RALB: variants seen among roughly 807,000 people sequenced by gnomAD.
RALB encodes the protein ras-related protein Ral-B.
A neutral mutation model predicts 21.3 loss-of-function variants in RALB; 16 were observed. That is an observed-to-expected ratio of 0.75 (90% CI 0.51 to 1.14). The LOEUF (loss-of-function observed/expected upper bound fraction) is 1.14. Ranked by LOEUF, RALB falls within the 50% of genes most tolerant of loss-of-function variation. The pLI is 0.00. For synonymous variants in RALB, 93 were observed against 96.1 expected (o/e 0.97, Z 0.19); for missense variants, 161 against 256.2 (o/e 0.63, Z 2.54).
chr2:120,256,429 A>G (rs192354510), intron 1 of RALB, among the ~76,000 whole-genome samples: 2 of 151,908 alleles, frequency 1.3e-5, no homozygotes, highest in African/African-American at 2.4e-5. Context: ...TGTAATCCCC[A>G]TAATCCCCAT....
chr2:120,294,508 T>C lies in RALB; in HGVS notation c.*1248T>C, dbSNP rs1290293833. On this transcript the variant is annotated 3_prime_UTR_variant, in exon 5 of 5. Transcript: ENST00000272519. ...AAGGAGCACTGTGGGAAGAGCCCAG[T>C]ATTCACATTTTTTCCCCATTTTTCA... The C allele has an allele frequency of 2.7e-6, 1 of 366,328 alleles. No individual in the cohort carries two copies. Among genetic ancestry groups the C allele is most frequent in the East Asian group, 4.0e-5 (1 of 25,136 alleles). 22.7% of individuals were successfully genotyped at this position (366,328 alleles called of 1,614,324 possible).
intron 4 of RALB, among the ~76,000 whole-genome samples, chr2:120,289,963 A>T (rs1251961955): frequency 6.6e-6 from 1 of 152,110 alleles, no homozygotes; most frequent in Non-Finnish European, 1.5e-5. Flanking sequence ...AGAACCTTTT[A>T]CTTTGTCATG....
At chr2:120,250,083 A>G (rs1689031442), upstream of RALB, among the ~76,000 whole-genome samples, 1 of 152,258 alleles carries the variant, frequency 6.6e-6, no homozygotes, top group Non-Finnish European at 1.5e-5. Flanking sequence ...CACCCAGTCT[A>G]AAATAATTTG....
chr2:120,291,954 T>A (rs951861079), intron 4 of RALB, among the ~76,000 whole-genome samples: 1 of 152,168 alleles, frequency 6.6e-6, no homozygotes, highest in Non-Finnish European at 1.5e-5. Flanking sequence ...TTTGTGTGAA[T>A]GTCTGAAGAT....
intron 2 of RALB, among the ~76,000 whole-genome samples, chr2:120,281,567 G>A (rs1398596993): frequency 6.6e-6 from 1 of 152,068 alleles, no homozygotes; most frequent in African/African-American, 2.4e-5. Context: ...TATCCTCCTG[G>A]GTCATGCTCC....
rs771174096 is a variant in RALB, at chr2:120,293,120, C to T, written c.502-21C>T. On this transcript the variant is annotated intron_variant, in intron 4 of 4. Transcript: ENST00000272519. ...GGCTCTTTCTTCACTATTCTTTTTACTCTTTACTCCTCACCCCCAGGTGTT... is the reference window on the plus strand; with the variant it reads ...GGCTCTTTCTTCACTATTCTTTTTATTCTTTACTCCTCACCCCCAGGTGTT... 39 of 1,574,782 alleles carry T rather than the reference C, an allele frequency of 2.5e-5. No homozygotes were observed. The South Asian group carries it at 4.5e-4, about 18-fold the overall frequency.
chr2:120,258,331 C>T (rs1689248389), intron 1 of RALB, among the ~76,000 whole-genome samples: 1 of 152,170 alleles, frequency 6.6e-6, no homozygotes, highest in South Asian at 2.1e-4. Context: ...CTTGAGTGGA[C>T]TTTGCTTCCT....
rs1232935514 is a variant in RALB, at chr2:120,255,125, T to G, written c.-48+2145T>G. Among the ~76,000 whole-genome samples, 4 of 152,208 alleles carry G rather than the reference T, an allele frequency of 2.6e-5. No homozygotes were observed. In the East Asian group the frequency reaches 5.8e-4, roughly 22 times the overall value. On this transcript the variant is annotated intron_variant, in intron 1 of 4. Transcript: ENST00000272519. ...GCTAAATTTGGAGACAATGTAAGAC[T>G]AGAGTGCGAAGAGATCTAGGTGAAC...
intron 4 of RALB, 132 bp from the exon 5 acceptor site, chr2:120,293,009 A>C: frequency 1.1e-6 from 1 of 936,484 alleles, no homozygotes; most frequent in Non-Finnish European, 1.5e-6. Flanking sequence ...ATGTAACTAC[A>C]TATCCTGCTT....
chr2:120,255,477 G>T (rs1466172804), intron 1 of RALB, among the ~76,000 whole-genome samples: 1 of 152,106 alleles, frequency 6.6e-6, no homozygotes, highest in Non-Finnish European at 1.5e-5. Flanking sequence ...TTTGACCATG[G>T]GCTGTCTCCT....
At chr2:120,263,469 T>C (rs995839978) in intron 1 of RALB, among the ~76,000 whole-genome samples, 2 of 152,248 alleles carry the variant, frequency 1.3e-5, no homozygotes, top group African/African-American at 4.8e-5. Context: ...AGAATGATAT[T>C]TAAAAAGCAG....
intron 2 of RALB, 66 bp from the exon 3 acceptor site, chr2:120,285,808 T>C: frequency 7.2e-7 from 1 of 1,387,218 alleles, no homozygotes. Context: ...ATGTGGAATT[T>C]TGTTTTTTGG....
chr2:120,255,050 C>CT (rs1689164326), intron 1 of RALB, among the ~76,000 whole-genome samples: 1 of 152,184 alleles, frequency 6.6e-6, no homozygotes, highest in Admixed American at 6.5e-5. Flanking sequence ...TCTTACCCCC[C>CT]TCATGTAACT....
At chr2:120,250,383 G>C (rs1289069189), upstream of RALB, among the ~76,000 whole-genome samples, 1 of 152,198 alleles carries the variant, frequency 6.6e-6, no homozygotes, top group African/African-American at 2.4e-5. Context: ...GAGAGCTCTG[G>C]AGGGTCTTAT....
chr2:120,286,782 G>A (rs1031850920), intron 3 of RALB, among the ~76,000 whole-genome samples: 1 of 152,162 alleles, frequency 6.6e-6, no homozygotes, highest in Non-Finnish European at 1.5e-5. Flanking sequence ...TAGACACATG[G>A]TGCTTCCATA....
At chr2:120,281,123 G>A (rs1689981110) in intron 2 of RALB, among the ~76,000 whole-genome samples, 1 of 152,208 alleles carries the variant, frequency 6.6e-6, no homozygotes, top group Admixed American at 6.5e-5. Context: ...CACTCAAGGT[G>A]TCAGCTGGGG....
intron 2 of RALB, among the ~76,000 whole-genome samples, chr2:120,283,458 G>T (rs6733304): frequency 0.24 from 36,069 of 152,054 alleles, 6,681 homozygotes; most frequent in African/African-American, 0.52. Flanking sequence ...ATTTAAAATT[G>T]TTTAGCTTAT....
intron 1 of RALB, among the ~76,000 whole-genome samples, chr2:120,240,398 C>T (rs1216256049): frequency 6.6e-6 from 1 of 152,050 alleles, no homozygotes; most frequent in African/African-American, 2.4e-5. Flanking sequence ...GGTCCTCCCA[C>T]CTCAGTCTCT....
At chr2:120,277,918 T>C (rs556009506) in intron 1 of RALB, among the ~76,000 whole-genome samples, 1 of 145,748 alleles carries the variant, frequency 6.9e-6, no homozygotes, top group Non-Finnish European at 1.5e-5. Context: ...TGAATGTGAG[T>C]TAATGTGAGC....
Sources: allele counts gnomAD v4.1 joint callset (sites outside exome capture counted in the v4.1 genomes callset), GRCh38; gene constraint gnomAD v4.1.1; transcripts MANE v1.5; gene names NCBI Gene and HGNC (gene_info 2026-07-23, HGNC 2026-07-21).